The following ASIC2 variants were observed in gnomAD, a reference collection of about 807,000 sequenced individuals.
The protein encoded by ASIC2 is acid-sensing ion channel 2.
ASIC2 carries 25 observed loss-of-function variants against 57.3 expected under a neutral mutation model. The ratio of observed to expected loss-of-function variants is 0.44; its 90% CI spans 0.32 to 0.61. The LOEUF is 0.61. Among genes scored for constraint, ASIC2 ranks in the 20% least tolerant of loss-of-function variants. ASIC2 has a pLI of 0.06. For missense variants in ASIC2, 641 were observed against 738.1 expected, an observed-to-expected ratio of 0.87 and a Z score of 1.52; for synonymous variants, 319 against 307.5, an observed-to-expected ratio of 1.04 and a Z score of -0.39.
chr17:33,991,362 T>C (rs141105518), intron 1 of ASIC2, among the ~76,000 whole-genome samples: 3 of 152,286 alleles, frequency 2.0e-5, no homozygotes, highest in Non-Finnish European at 2.9e-5. Context: ...GTGCCAGGGA[T>C]CCTGACTCCC....
chr17:33,969,831 C>T (rs1437595493), intron 1 of ASIC2, among the ~76,000 whole-genome samples: 1 of 152,154 alleles, frequency 6.6e-6, no homozygotes, highest in East Asian at 1.9e-4. Flanking sequence ...TCGGCAGCTA[C>T]TGCCATGGTG....
At chr17:33,064,983 G>A (rs2092037072) in intron 3 of ASIC2, among the ~76,000 whole-genome samples, 1 of 152,162 alleles carries the variant, frequency 6.6e-6, no homozygotes, top group African/African-American at 2.4e-5. Flanking sequence ...AGAGAGGCTT[G>A]GGCTTGAATT....
intron 1 of ASIC2, among the ~76,000 whole-genome samples, chr17:33,879,094 G>A (rs1914629890): frequency 1.3e-5 from 2 of 152,128 alleles, no homozygotes; most frequent in African/African-American, 4.8e-5. Context: ...CCCTAAAAGA[G>A]CTCCTGAAGG....
At chr17:33,216,654 G>A (rs1177879537) in intron 1 of ASIC2, among the ~76,000 whole-genome samples, 3 of 152,238 alleles carry the variant, frequency 2.0e-5, no homozygotes, top group Non-Finnish European at 1.5e-5. Flanking sequence ...ATGCTTGGGG[G>A]AGGAAAGAAA....
At chr17:33,819,170 G>A (rs1018072782) in intron 1 of ASIC2, among the ~76,000 whole-genome samples, 14 of 152,254 alleles carry the variant, frequency 9.2e-5, no homozygotes, top group African/African-American at 2.4e-4. Flanking sequence ...GCTCCAGGAA[G>A]GATGGAGGCT....
At chr17:33,581,907 A>T (rs1222172251) in intron 1 of ASIC2, among the ~76,000 whole-genome samples, 1 of 152,096 alleles carries the variant, frequency 6.6e-6, no homozygotes, top group Admixed American at 6.6e-5. Context: ...AATTGGCCTT[A>T]GCTTCCCTGA....
rs554987798 is a variant in ASIC2, at chr17:33,734,688, G to C, written c.555+421290C>G. ...TAAGGATGGGACCCCAATCCAATAA[G>C]ACTGGTGCCCTTATAAGAAGAGGAA... On this transcript the variant is annotated intron_variant, in intron 1 of 9. Transcript: ENST00000359872. Among the ~76,000 whole-genome samples, 5 of 152,280 alleles carry C rather than the reference G, an allele frequency of 3.3e-5. No homozygotes were observed. The East Asian group carries it at 9.7e-4, about 29-fold the overall frequency.
intron 1 of ASIC2, among the ~76,000 whole-genome samples, chr17:33,826,525 G>A (rs8064868): frequency 0.81 from 123,600 of 152,186 alleles, 50,554 homozygotes; most frequent in African/African-American, 0.86. Flanking sequence ...CTGGAGGAAC[G>A]TTGGCGATCA....
Position 33,095,041 on chromosome 17 carries a change from T to C in ASIC2, c.860-6051A>G, listed in dbSNP as rs554580271. ...TTTAAAATGGGTATGAACATAAAAA[T>C]GGATTGTTCTTCATAGAGCTGTTGT... On this transcript the variant is annotated intron_variant, in intron 2 of 9. Coordinates refer to ENST00000225823, the MANE Select transcript of ASIC2 (RefSeq NM_183377.2). Among the ~76,000 whole-genome samples the C allele has an allele frequency of 9.2e-5, 14 of 152,318 alleles. No homozygotes were observed. The South Asian group carries it at 2.7e-3, about 29-fold the overall frequency.
chr17:33,186,418 T>A (rs1242369122), intron 1 of ASIC2, among the ~76,000 whole-genome samples: 2 of 152,200 alleles, frequency 1.3e-5, no homozygotes, highest in African/African-American at 2.4e-5. Context: ...GCCTTATACA[T>A]CATCTTAATG....
chr17:33,306,424 G>A (rs1473382911), intron 1 of ASIC2, among the ~76,000 whole-genome samples: 1 of 152,154 alleles, frequency 6.6e-6, no homozygotes, highest in Non-Finnish European at 1.5e-5. Context: ...GCTTTGTGGA[G>A]TATTGACAAT....
At chr17:33,044,823 C>T (rs59216108) in intron 3 of ASIC2, among the ~76,000 whole-genome samples, 4,388 of 152,204 alleles carry the variant, frequency 0.029, 220 homozygotes, top group African/African-American at 0.1. Flanking sequence ...AATGTCCAGG[C>T]GTAGTGGGGG....
intron 1 of ASIC2, among the ~76,000 whole-genome samples, chr17:33,990,757 G>C (rs1905978182): frequency 6.6e-6 from 1 of 152,126 alleles, no homozygotes; most frequent in South Asian, 2.1e-4. Context: ...AGGCATAAAG[G>C]GTGCACCAAG....
chr17:33,062,768 A>G (rs1223074987), intron 3 of ASIC2, among the ~76,000 whole-genome samples: 2 of 152,168 alleles, frequency 1.3e-5, no homozygotes, highest in Non-Finnish European at 2.9e-5. Flanking sequence ...GGGGTGTTAA[A>G]GTCTCCCATT....
chr17:33,523,921 AT>A (rs1458042187), intron 1 of ASIC2, among the ~76,000 whole-genome samples: 1 of 152,198 alleles, frequency 6.6e-6, no homozygotes, highest in Non-Finnish European at 1.5e-5. Flanking sequence ...CATCCATAGC[AT>A]AGCCTCAGGA....
chr17:34,060,001 T>C (rs1292959673), intron 1 of ASIC2, among the ~76,000 whole-genome samples: 1 of 152,234 alleles, frequency 6.6e-6, no homozygotes, highest in Non-Finnish European at 1.5e-5. Context: ...CAGCTGATAC[T>C]TTCTGGAAAG....
intron 3 of ASIC2, 109 bp from the exon 4 acceptor site, chr17:33,028,501 T>G: frequency 7.4e-7 from 1 of 1,345,042 alleles, no homozygotes. Flanking sequence ...TACCATTAAC[T>G]TTATAGACCT....
At chr17:33,716,772 G>A (rs950664124) in intron 1 of ASIC2, among the ~76,000 whole-genome samples, 3 of 152,200 alleles carry the variant, frequency 2.0e-5, no homozygotes, top group Non-Finnish European at 4.4e-5. Context: ...TTATCTATAT[G>A]TCTGTGTTTG....
intron 1 of ASIC2, among the ~76,000 whole-genome samples, chr17:33,856,176 C>A (rs1207204227): frequency 6.6e-6 from 1 of 152,176 alleles, no homozygotes; most frequent in Admixed American, 6.5e-5. Context: ...CTACCTCTTA[C>A]CAGCTGGGTG....
Sources: allele counts gnomAD v4.1 joint callset (sites outside exome capture counted in the v4.1 genomes callset), GRCh38; gene constraint gnomAD v4.1.1; transcripts MANE v1.5; gene names NCBI Gene and HGNC (gene_info 2026-07-23, HGNC 2026-07-21).